Variants in FAM184B observed in about 807,000 individuals in gnomAD.
FAM184B encodes the protein protein FAM184B.
FAM184B carries 111 observed loss-of-function variants against 135.9 expected under a neutral mutation model. That is an observed-to-expected ratio of 0.82 (90% CI 0.70 to 0.96). FAM184B has a LOEUF of 0.96. Among genes scored for constraint, FAM184B ranks in the 40% least tolerant of loss-of-function variants. FAM184B has a pLI of 0.00. For synonymous variants in FAM184B, 552 were observed against 524.8 expected (o/e 1.05, Z -0.71); for missense variants, 1,375 against 1,323.9 (o/e 1.04, Z -0.60).
chr4:17,762,289 A>T (rs1718565002), intron 1 of FAM184B, among the ~76,000 whole-genome samples: 1 of 152,256 alleles, frequency 6.6e-6, no homozygotes, highest in South Asian at 2.1e-4. Context: ...TTTCAGACTC[A>T]GAAAAGATGC....
intron 1 of FAM184B, among the ~76,000 whole-genome samples, chr4:17,746,205 C>T (rs1364755442): frequency 1.3e-5 from 2 of 151,834 alleles, no homozygotes; most frequent in African/African-American, 4.8e-5. Flanking sequence ...GTGATCCGCC[C>T]ACCTCGGCCT....
At chr4:17,716,707 T>G (rs555987951) in intron 1 of FAM184B, among the ~76,000 whole-genome samples, 13 of 152,336 alleles carry the variant, frequency 8.5e-5, no homozygotes, top group Admixed American at 7.2e-4. Context: ...CTGTCCCTCA[T>G]GGTCAATCAT....
chr4:17,660,026 C>T lies in FAM184B; in HGVS notation c.1756G>A (p.Glu586Lys), dbSNP rs1159837239. The change falls in exon 9 of 18, where the codon GAG becomes AAG. Residue 586 changes from glutamate (E) to lysine (K), a missense_variant. Glu to Lys is a moderately conservative substitution (Grantham distance 56). Transcript: ENST00000265018. ...PQPPLGSLLK[E>K]KTSKIQRLEE... is the part of the protein sequence containing the mutation. ...AGACGCTGGATTTTGGATGTTTTCT[C>T]CTTCAACAAAGAGCCCAGTGGAGGT... The T allele has an allele frequency of 8.4e-6, 13 of 1,551,484 alleles. No homozygotes were observed. The highest frequency in any genetic ancestry group is 8.7e-6 in the Non-Finnish European group (10 of 1,146,994).
intron 8 of FAM184B, among the ~76,000 whole-genome samples, chr4:17,663,247 C>G (rs992264636): frequency 6.6e-6 from 1 of 152,082 alleles, no homozygotes; most frequent in Non-Finnish European, 1.5e-5. Flanking sequence ...TCACATATAT[C>G]TTTTTTAGGG....
At chr4:17,632,738 C>T (rs972093554) in intron 17 of FAM184B, 113 bp from the exon 18 acceptor site, 12 of 693,230 alleles carry the variant, frequency 1.7e-5, no homozygotes, top group Non-Finnish European at 2.7e-5. Flanking sequence ...TCAAAAACAC[C>T]CAAATGGGAC....
At chr4:17,756,437 G>T (rs1718423263) in intron 1 of FAM184B, among the ~76,000 whole-genome samples, 1 of 152,200 alleles carries the variant, frequency 6.6e-6, no homozygotes, top group South Asian at 2.1e-4. Flanking sequence ...AATTTACAAT[G>T]ATATCCTCCT....
chr4:17,638,419 CT>C (rs1226237063), intron 14 of FAM184B, among the ~76,000 whole-genome samples: 1 of 151,646 alleles, frequency 6.6e-6, no homozygotes, highest in African/African-American at 2.4e-5. Context: ...TCTCGAACTC[CT>C]GGGCTCAAGC....
intron 7 of FAM184B, among the ~76,000 whole-genome samples, chr4:17,681,603 A>G (rs1435840625): frequency 6.6e-6 from 1 of 152,220 alleles, no homozygotes; most frequent in Non-Finnish European, 1.5e-5. Context: ...AACGGCCAGG[A>G]CAGGTGATGC....
At chr4:17,700,385 A>G (rs1055792818) in intron 5 of FAM184B, among the ~76,000 whole-genome samples, 1 of 152,204 alleles carries the variant, frequency 6.6e-6, no homozygotes, top group East Asian at 1.9e-4. Flanking sequence ...TTATCAGACA[A>G]AGCAGACTTC....
intron 1 of FAM184B, among the ~76,000 whole-genome samples, chr4:17,769,909 G>C (rs1327005093): frequency 6.6e-6 from 1 of 152,168 alleles, no homozygotes; most frequent in African/African-American, 2.4e-5. Context: ...AAAAAAGGCA[G>C]ATGGAGCTGA....
chr4:17,727,239 C>G (rs754103166), intron 1 of FAM184B, among the ~76,000 whole-genome samples: 1 of 152,178 alleles, frequency 6.6e-6, no homozygotes, highest in East Asian at 1.9e-4. Context: ...TGTACACACA[C>G]AGGGTCATGT....
chr4:17,678,388 G>A (rs1269995475), intron 7 of FAM184B, among the ~76,000 whole-genome samples: 1 of 151,994 alleles, frequency 6.6e-6, no homozygotes, highest in African/African-American at 2.4e-5. Flanking sequence ...CGACCAAGCT[G>A]GGAATCAAAT....
chr4:17,755,870 G>A (rs1718407930), intron 1 of FAM184B, among the ~76,000 whole-genome samples: 1 of 152,160 alleles, frequency 6.6e-6, no homozygotes, highest in Non-Finnish European at 1.5e-5. Context: ...AAAACACATG[G>A]ACACATGGGG....
At chr4:17,732,187 T>G (rs548966646) in intron 1 of FAM184B, among the ~76,000 whole-genome samples, 174 of 152,194 alleles carry the variant, frequency 1.1e-3, no homozygotes, top group African/African-American at 3.8e-3. Flanking sequence ...TTTAAAGCAG[T>G]GTGTAGAAGG....
intron 7 of FAM184B, 33 bp downstream of exon 7, chr4:17,688,391 T>C (rs1194146934): frequency 6.8e-7 from 1 of 1,475,242 alleles, no homozygotes; most frequent in South Asian, 1.2e-5. Flanking sequence ...AAAAGAAATA[T>C]CTTTAATTAA....
intron 1 of FAM184B, among the ~76,000 whole-genome samples, chr4:17,771,288 G>C (rs1718813439): frequency 6.6e-6 from 1 of 152,158 alleles, no homozygotes; most frequent in Non-Finnish European, 1.5e-5. Flanking sequence ...GGAAGGCTGG[G>C]GCGAGGCAGG....
At chr4:17,639,813 G>A (rs1181976161) in intron 13 of FAM184B, among the ~76,000 whole-genome samples, 2 of 151,654 alleles carry the variant, frequency 1.3e-5, no homozygotes, top group African/African-American at 4.9e-5. Flanking sequence ...CTACACTGCA[G>A]TGGAAAGCCT....
At chr4:17,647,448 C>G (rs990643212) in intron 12 of FAM184B, among the ~76,000 whole-genome samples, 189 bp downstream of exon 12, 1 of 151,974 alleles carries the variant, frequency 6.6e-6, no homozygotes, top group Non-Finnish European at 1.5e-5. Flanking sequence ...TATAGTCTTG[C>G]TATGTTGCCC....
At chr4:17,779,476 T>C (rs1282935102) in intron 1 of FAM184B, among the ~76,000 whole-genome samples, 1 of 152,254 alleles carries the variant, frequency 6.6e-6, no homozygotes, top group Non-Finnish European at 1.5e-5. Context: ...ATGCCTTCTA[T>C]ACTGCTGTGT....
Sources: allele counts gnomAD v4.1 joint callset (sites outside exome capture counted in the v4.1 genomes callset), GRCh38; gene constraint gnomAD v4.1.1; transcripts MANE v1.5; gene names NCBI Gene and HGNC (gene_info 2026-07-23, HGNC 2026-07-21).